CTNNA2: variants seen among roughly 807,000 people sequenced by gnomAD.
The protein encoded by CTNNA2 is catenin alpha-2.
CTNNA2 carries 42 observed loss-of-function variants against 101.0 expected under a neutral mutation model. The observed-to-expected ratio is 0.42, with a 90% CI of 0.32 to 0.54. The LOEUF (loss-of-function observed/expected upper bound fraction) is 0.54. Ranked by LOEUF, CTNNA2 falls within the 20% of genes least tolerant of loss-of-function variation. The probability of loss-of-function intolerance (pLI) is 0.14; values close to 1 mark genes in which losing one functional copy is unlikely to be tolerated. For missense variants in CTNNA2, 871 were observed against 1,223.1 expected (o/e 0.71, Z 4.29); for synonymous variants, 450 against 456.4 (o/e 0.99, Z 0.18).
chr2:79,266,893 G>A (rs1052441575), intron 2 of CTNNA2, among the ~76,000 whole-genome samples: 1 of 152,012 alleles, frequency 6.6e-6, no homozygotes, highest in South Asian at 2.1e-4. Flanking sequence ...TTCATTGCAG[G>A]CAGCATTGAA....
At chr2:80,431,040 G>T (rs1018661631) in intron 9 of CTNNA2, among the ~76,000 whole-genome samples, 1 of 152,040 alleles carries the variant, frequency 6.6e-6, no homozygotes, top group Admixed American at 6.6e-5. Flanking sequence ...TGTTTTAATT[G>T]CCCAGGAAAA....
chr2:79,213,807 A>G (rs563522824), intron 2 of CTNNA2, among the ~76,000 whole-genome samples: 3 of 152,256 alleles, frequency 2.0e-5, no homozygotes, highest in South Asian at 4.1e-4. Flanking sequence ...GGAAGCAGAA[A>G]GTATATGCGT....
intron 2 of CTNNA2, among the ~76,000 whole-genome samples, chr2:79,297,363 A>G (rs1232497365): frequency 6.6e-6 from 1 of 152,176 alleles, no homozygotes; most frequent in Non-Finnish European, 1.5e-5. Context: ...GTGTCTGACC[A>G]TCTGGCCAAA....
intron 7 of CTNNA2, among the ~76,000 whole-genome samples, chr2:80,137,153 A>G (rs1043076014): frequency 1.3e-5 from 2 of 152,122 alleles, no homozygotes; most frequent in Non-Finnish European, 2.9e-5. Flanking sequence ...AGGGAGTTAC[A>G]TATAATCTGG....
intron 4 of CTNNA2, among the ~76,000 whole-genome samples, chr2:79,387,450 G>A (rs946042522): frequency 6.6e-5 from 10 of 152,248 alleles, no homozygotes; most frequent in African/African-American, 1.7e-4. Flanking sequence ...TGGAACCAGC[G>A]TGAAAGAAGA....
intron 7 of CTNNA2, among the ~76,000 whole-genome samples, chr2:80,277,553 GAA>G (rs10650278): frequency 4.8e-5 from 4 of 83,814 alleles, no homozygotes; most frequent in East Asian, 3.7e-4. Flanking sequence ...AAGGATTTCT[GAA>G]AAAAAAAAAA....
intron 4 of CTNNA2, among the ~76,000 whole-genome samples, chr2:79,443,907 TC>T: frequency 2.0e-5 from 1 of 50,996 alleles, no homozygotes. Context: ...ATACATACTC[TC>T]TCTCTCTCTC....
intron 9 of CTNNA2, among the ~76,000 whole-genome samples, chr2:80,476,644 G>A (rs1446206035): frequency 1.3e-5 from 2 of 152,102 alleles, no homozygotes; most frequent in Admixed American, 6.5e-5. Flanking sequence ...AAACTCAGAC[G>A]ACAACCAGGC....
At chr2:80,081,992 TTTTC>T (rs1367569325) in intron 7 of CTNNA2, among the ~76,000 whole-genome samples, 1 of 152,054 alleles carries the variant, frequency 6.6e-6, no homozygotes, top group Non-Finnish European at 1.5e-5. Context: ...TTAAGTCTGG[TTTTC>T]TTTGAGTGCT....
chr2:79,931,872 C>T (rs193163261), intron 7 of CTNNA2, among the ~76,000 whole-genome samples: 235 of 152,262 alleles, frequency 1.5e-3, no homozygotes, highest in African/African-American at 5.3e-3. Context: ...TTTGTGGATC[C>T]TGGAGAGGTC....
At chr2:80,406,295 C>T (rs1288895349) in intron 8 of CTNNA2, among the ~76,000 whole-genome samples, 1 of 151,292 alleles carries the variant, frequency 6.6e-6, no homozygotes, top group Non-Finnish European at 1.5e-5. Flanking sequence ...GATCGCGCCA[C>T]TGCACTCCAG....
intron 7 of CTNNA2, among the ~76,000 whole-genome samples, chr2:80,250,028 T>G (rs369804678): frequency 6.6e-6 from 1 of 152,176 alleles, no homozygotes; most frequent in Non-Finnish European, 1.5e-5. Context: ...CCTCCTCCCA[T>G]ATATACAAGA....
intron 12 of CTNNA2, among the ~76,000 whole-genome samples, chr2:80,566,574 C>T (rs943166323): frequency 6.6e-5 from 10 of 152,162 alleles, no homozygotes; most frequent in Non-Finnish European, 1.2e-4. Context: ...TATAATAGCC[C>T]TATTACCTTG....
chr2:80,474,378 G>A (rs1038355964), intron 9 of CTNNA2, among the ~76,000 whole-genome samples: 13 of 104 alleles, frequency 0.12, no homozygotes, highest in Non-Finnish European at 0.21. Flanking sequence ...AGAGAATGGA[G>A]GTGGGTGTCC....
At chr2:80,068,559 A>G (rs1040051454) in intron 7 of CTNNA2, among the ~76,000 whole-genome samples, 23 of 152,276 alleles carry the variant, frequency 1.5e-4, no homozygotes, top group African/African-American at 5.5e-4. Context: ...AAAACAGCCC[A>G]AGTTCCCTTT....
intron 4 of CTNNA2, among the ~76,000 whole-genome samples, chr2:79,864,724 G>A (rs1043126848): frequency 1.3e-5 from 2 of 152,166 alleles, no homozygotes; most frequent in Non-Finnish European, 2.9e-5. Flanking sequence ...CAAGGCTTTA[G>A]AAACTCACCC....
intron 4 of CTNNA2, among the ~76,000 whole-genome samples, chr2:79,405,446 C>T (rs1286109465): frequency 1.3e-5 from 2 of 152,042 alleles, no homozygotes; most frequent in Non-Finnish European, 2.9e-5. Context: ...CTGTCTCAGC[C>T]TCCCAAGTAG....
chr2:80,506,347 CG>C (rs1279701747), intron 9 of CTNNA2, among the ~76,000 whole-genome samples: 1 of 152,014 alleles, frequency 6.6e-6, no homozygotes, highest in South Asian at 2.1e-4. Context: ...ACAGGAAGAC[CG>C]GTGAGAAAAC....
At chr2:79,533,320 G>T (rs928712887) in intron 1 of CTNNA2, among the ~76,000 whole-genome samples, 1 of 152,028 alleles carries the variant, frequency 6.6e-6, no homozygotes, top group African/African-American at 2.4e-5. Context: ...ACCTTACAAT[G>T]TGTATCACAG....
Sources: gnomAD v4.1 joint callset for allele counts (sites outside exome capture counted in the v4.1 genomes callset) on GRCh38, gnomAD v4.1.1 for gene constraint, MANE v1.5 for transcripts, NCBI Gene and HGNC (gene_info 2026-07-23, HGNC 2026-07-21) for gene names.